BCR: variants seen among roughly 807,000 people sequenced by gnomAD.
BCR encodes breakpoint cluster region protein.
A neutral mutation model predicts 138.6 loss-of-function variants in BCR; 58 were observed. That is an observed-to-expected ratio of 0.42 (90% CI 0.34 to 0.52). The LOEUF (loss-of-function observed/expected upper bound fraction) is 0.52, where lower values mean the gene tolerates loss of function less well. Ranked by LOEUF, BCR falls within the 20% of genes least tolerant of loss-of-function variation. BCR has a pLI of 0.06. For missense variants in BCR, 1,599 were observed against 1,727.2 expected (o/e 0.93, Z 1.32); for synonymous variants, 786 against 730.1 (o/e 1.08, Z -1.23).
chr22:23,262,873 G>A, intron 4 of BCR: 3 of 1,058,890 alleles, frequency 2.8e-6, no homozygotes, highest in Non-Finnish European at 3.4e-6. Flanking sequence ...GACGGCGAAG[G>A]AGGCAGCGGG....
In BCR at chr22:23,181,474, G is replaced by A; in HGVS notation, c.514G>A (p.Ala172Thr). The change falls in exon 1 of 23, where the codon GCC (alanine) becomes ACC (threonine). Residue 172 changes from alanine to threonine, a missense_variant. Physicochemically the swap from Ala to Thr is moderately conservative, Grantham distance 58. This residue lies in a region of BCR where 806 missense variants were observed against 635.0 expected (regional missense o/e 1.27). Coordinates refer to ENST00000305877, the MANE Select transcript of BCR (RefSeq NM_004327.4). ...GGGCCATGGCCAGCCCGGGGCGGAC[G>A]CCGAGAAGCCCTTCTACGTGAACGT... Reference protein sequence around the residue: ...RKGHGQPGADAEKPFYVNVEF... With the variant: ...RKGHGQPGADTEKPFYVNVEF... The A allele has an allele frequency of 6.2e-7, 1 of 1,609,328 alleles. No homozygotes were observed. Among genetic ancestry groups the A allele is most frequent in the Non-Finnish European group, 8.5e-7 (1 of 1,177,280 alleles).
chr22:23,209,583 G>T (rs930291431), intron 1 of BCR, among the ~76,000 whole-genome samples: 12 of 150,302 alleles, frequency 8.0e-5, no homozygotes, highest in African/African-American at 2.7e-4. Flanking sequence ...TCGCTCTGTT[G>T]CCCAGGCTGG....
chr22:23,188,447 G>T (rs2072374576), intron 1 of BCR, among the ~76,000 whole-genome samples: 2 of 152,170 alleles, frequency 1.3e-5, no homozygotes, highest in African/African-American at 4.8e-5. Context: ...GGCTGGGAGG[G>T]CTTGTGTTTG....
chr22:23,309,410 C>T lies in BCR; in HGVS notation c.3013-14C>T. ...ACCCCAGGGCCTCTGCCAATCATGA[C>T]TCCTTCCTTTCAGCTGGACCCGCAG... On this transcript the variant is annotated splice_polypyrimidine_tract_variant and intron_variant, in intron 16 of 22. Coordinates refer to ENST00000305877, the MANE Select transcript of BCR (RefSeq NM_004327.4). 1 of 1,587,940 alleles carries T rather than the reference C, an allele frequency of 6.3e-7. No homozygotes were observed. Among genetic ancestry groups the T allele is most frequent in the Middle Eastern group, 1.9e-4 (1 of 5,252 alleles).
intron 6 of BCR, among the ~76,000 whole-genome samples, chr22:23,272,569 C>T (rs907527716): frequency 4.6e-5 from 7 of 152,076 alleles, no homozygotes; most frequent in South Asian, 2.1e-4. Flanking sequence ...CTCTGGAGTC[C>T]GGGTGTCCTC....
At chr22:23,259,528 T>A (rs985597092) in intron 2 of BCR, among the ~76,000 whole-genome samples, 1 of 151,876 alleles carries the variant, frequency 6.6e-6, no homozygotes, top group Non-Finnish European at 1.5e-5. Flanking sequence ...TTTTTTTTTT[T>A]TTTTTGAGAT....
intron 1 of BCR, among the ~76,000 whole-genome samples, chr22:23,216,046 T>G (rs2072748015): frequency 6.6e-6 from 1 of 152,178 alleles, no homozygotes; most frequent in Non-Finnish European, 1.5e-5. Context: ...ACCTTCTGTT[T>G]CCCTTGAGTG....
At chr22:23,289,365 G>C (rs1200657660) in intron 12 of BCR, 152 bp from the exon 13 acceptor site, 5 of 648,156 alleles carry the variant, frequency 7.7e-6, no homozygotes, top group Non-Finnish European at 1.1e-5. Context: ...CACTGCACTT[G>C]AGAGCCAAGT....
At chr22:23,210,490 G>A (rs371354361) in intron 1 of BCR, among the ~76,000 whole-genome samples, 30 of 151,972 alleles carry the variant, frequency 2.0e-4, no homozygotes, top group East Asian at 1.5e-3. Context: ...ATATGTGCAC[G>A]TATGTGCATT....
At chr22:23,189,988 A>G (rs1295451743) in intron 1 of BCR, among the ~76,000 whole-genome samples, 2 of 152,228 alleles carry the variant, frequency 1.3e-5, no homozygotes, top group Non-Finnish European at 2.9e-5. Flanking sequence ...GGTGGCTTAA[A>G]TAACAGAAAT....
chr22:23,260,836 G>C (rs549088500), intron 2 of BCR, 114 bp from the exon 3 acceptor site: 15 of 965,484 alleles, frequency 1.6e-5, no homozygotes, highest in South Asian at 1.1e-4. Context: ...GAGCCTTTGT[G>C]GGGGCAGGGG....
chr22:23,195,501 G>C (rs1374666572), intron 1 of BCR, among the ~76,000 whole-genome samples: 1 of 151,988 alleles, frequency 6.6e-6, no homozygotes, highest in African/African-American at 2.4e-5. Flanking sequence ...GCTGTGGCAG[G>C]AGAATTGTTT....
At chr22:23,217,013 T>C (rs764639440) in intron 1 of BCR, 1 of 450,720 alleles carries the variant, frequency 2.2e-6, no homozygotes, top group South Asian at 1.6e-5. Flanking sequence ...TACCTCTTGA[T>C]GGGAGGAGCA....
intron 1 of BCR, among the ~76,000 whole-genome samples, chr22:23,222,973 G>T (rs1022397086): frequency 6.6e-6 from 1 of 152,130 alleles, no homozygotes; most frequent in Non-Finnish European, 1.5e-5. Context: ...GTTAGATAAG[G>T]GCTCCCTGCT....
At chr22:23,289,107 G>A (rs928423893) in intron 12 of BCR, among the ~76,000 whole-genome samples, 13 of 152,224 alleles carry the variant, frequency 8.5e-5, no homozygotes, top group African/African-American at 2.9e-4. Context: ...ATTATGCCCA[G>A]AAATAAGCCC....
At chr22:23,214,684 C>T (rs1329915922) in intron 1 of BCR, among the ~76,000 whole-genome samples, 1 of 152,194 alleles carries the variant, frequency 6.6e-6, no homozygotes, top group African/African-American at 2.4e-5. Flanking sequence ...AGGCAGGGAA[C>T]CTGGCACCAT....
At position 23,181,369 on chromosome 22, in the gene BCR, G is replaced by A. The variant is rs1160732800; in HGVS notation, c.409G>A (p.Ala137Thr). The change falls in exon 1 of 23, where the codon GCC becomes ACC. Residue 137 changes from alanine (A) to threonine (T), a missense_variant. Physicochemically the swap from Ala to Thr is moderately conservative, Grantham distance 58. Coordinates refer to ENST00000305877, the MANE Select transcript of BCR (RefSeq NM_004327.4). ...CGGGACCGCCCGCAGGCCCGGGGCA[G>A]CCGCGTCGGGGGAACGGGACGACCG... Reference protein sequence around the residue: ...RPGTARRPGAAASGERDDRGP... With the variant: ...RPGTARRPGATASGERDDRGP... 1 of 1,529,574 alleles carries A rather than the reference G, an allele frequency of 6.5e-7. No individual in the cohort carries two copies. Among genetic ancestry groups the A allele is most frequent in the South Asian group, 1.3e-5 (1 of 79,374 alleles). The allele number at this position is 1,529,574 out of a possible 1,614,324, so 94.8% of individuals were successfully genotyped here.
chr22:23,270,406 C>T (rs937056029), intron 5 of BCR, among the ~76,000 whole-genome samples: 4 of 152,188 alleles, frequency 2.6e-5, no homozygotes, highest in African/African-American at 9.7e-5. Context: ...TTTCCTGGAG[C>T]TCCTAGATAA....
intron 9 of BCR, among the ~76,000 whole-genome samples, chr22:23,284,588 C>T (rs918715176): frequency 9.9e-5 from 15 of 152,178 alleles, no homozygotes; most frequent in African/African-American, 2.9e-4. Context: ...TGCATCCTGC[C>T]GTTGCCCTGC....
Sources: allele counts gnomAD v4.1 joint callset (sites outside exome capture counted in the v4.1 genomes callset), GRCh38; gene constraint gnomAD v4.1.1; regional missense constraint gnomAD v4.1.1; transcripts MANE v1.5; gene names NCBI Gene and HGNC (gene_info 2026-07-23, HGNC 2026-07-21).